ETNK1: variants seen among roughly 807,000 people sequenced by gnomAD.
ETNK1 encodes the protein putative protein product of Nbla10396.
In ETNK1, 8 loss-of-function variants were observed where a neutral mutation model predicts 45.1. The ratio of observed to expected loss-of-function variants is 0.18; its 90% CI spans 0.10 to 0.32. The LOEUF (loss-of-function observed/expected upper bound fraction) is 0.32, where lower values mean the gene tolerates loss of function less well. Among genes scored for constraint, ETNK1 ranks in the 10% least tolerant of loss-of-function variants. ETNK1 has a pLI of 1.00. For synonymous variants in ETNK1, 152 were observed against 151.9 expected, an observed-to-expected ratio of 1.00 and a Z score of -0.01; for missense variants, 302 against 430.6, an observed-to-expected ratio of 0.70 and a Z score of 2.64.
In ETNK1 at chr12:22,659,081, A is replaced by G. The variant is rs374315383; in HGVS notation, c.484A>G (p.Asn162Asp). 1 of 1,613,798 alleles carries G rather than the reference A, an allele frequency of 6.2e-7. No individual in the cohort carries two copies. Among genetic ancestry groups the G allele is most frequent in the Non-Finnish European group, 8.5e-7 (1 of 1,179,828 alleles). Residue 162 changes from asparagine to aspartate, a missense_variant, in exon 3 of 8, where the codon AAT becomes GAT. Physicochemically the swap from Asn to Asp is conservative, Grantham distance 23. Around this residue, in one of 3 missense-constraint regions of ETNK1, gnomAD observed 205 missense variants for 259.9 expected, o/e 0.79. Coordinates refer to ENST00000266517, the MANE Select transcript of ETNK1 (RefSeq NM_018638.5). Reference protein sequence around the residue: ...HAHNGWIPKSNLWLKMGKYFS... With the variant: ...HAHNGWIPKSDLWLKMGKYFS... ...ACACAATGGCTGGATCCCCAAATCT[A>G]ATCTTTGGCTAAAGATGGGAAAGTA...
intron 1 of ETNK1, among the ~76,000 whole-genome samples, chr12:22,626,393 AATAG>A (rs1392652592): frequency 6.6e-6 from 1 of 151,844 alleles, no homozygotes; most frequent in Non-Finnish European, 1.5e-5. Context: ...TAGATACAAA[AATAG>A]ATCTCTTTTT....
At position 22,641,453 on chromosome 12, in the gene ETNK1, G is replaced by A. The variant is rs12321044; in HGVS notation, c.157-2310G>A. On this transcript the variant is annotated intron_variant, in intron 1 of 7. Coordinates refer to ENST00000266517, the MANE Select transcript of ETNK1 (RefSeq NM_018638.5). The stretch of plus-strand genomic sequence containing the variant: ...TTTTCTACCTTCAGACATGATTACA[G>A]AGTGGTTTTGTTGTTTTCTTGACCC... Among the ~76,000 whole-genome samples the A allele has an allele frequency of 9.0e-3, 1,370 of 152,248 alleles. 19 individuals are homozygous for A. Among genetic ancestry groups the A allele is most frequent in the African/African-American group, 0.031 (1,307 of 41,534 alleles).
intron 1 of ETNK1, among the ~76,000 whole-genome samples, chr12:22,637,862 CGAGA>C (rs142902265): frequency 2.0e-5 from 3 of 150,808 alleles, no homozygotes; most frequent in Admixed American, 1.3e-4. Flanking sequence ...AGTGACAGAG[CGAGA>C]GAGAGAGAGT....
At chr12:22,650,469 G>T (rs778475684) in intron 2 of ETNK1, among the ~76,000 whole-genome samples, 1 of 151,732 alleles carries the variant, frequency 6.6e-6, no homozygotes, top group Non-Finnish European at 1.5e-5. Flanking sequence ...TTCCTAGTTT[G>T]CTGAGTTTTT....
chr12:22,684,734 G>A lies in ETNK1; in HGVS notation c.1020-148G>A. On this transcript the variant is annotated intron_variant, in intron 7 of 7. Coordinates refer to ENST00000266517, the MANE Select transcript of ETNK1 (RefSeq NM_018638.5). ...TAAGTGCTCGCAGGATTAGAAAAGT[G>A]TCCAGTAGGTGGTGCAATAAACTAA... 4.1e-6 allele frequency: 3 copies of A among 731,188 alleles called. No homozygotes were observed. In the South Asian group the frequency reaches 5.8e-5, roughly 14 times the overall value. 45.3% of individuals were successfully genotyped at this position (731,188 alleles called of 1,614,324 possible). A position where few individuals can be genotyped will look rare whatever the true frequency, so the allele number is the denominator to read the frequency against.
At chr12:22,665,365 C>T (rs1339588775) in intron 4 of ETNK1, among the ~76,000 whole-genome samples, 2 of 152,018 alleles carry the variant, frequency 1.3e-5, no homozygotes, top group African/African-American at 4.8e-5. Flanking sequence ...AGTTTTTGTA[C>T]TATTGATAGT....
rs1565442926 is a variant in ETNK1, at chr12:22,655,334, T to TGG, written c.417-3680_417-3679insGG. Among the ~76,000 whole-genome samples the TGG allele has an allele frequency of 2.5e-3, 368 of 145,304 alleles. 11 individuals carry two copies. The East Asian group carries it at 0.065, about 26-fold the overall frequency. ...GGATATTTGGGGTTTGTTTGTTTTT[T>TGG]TTTTTTTTTTTTTTTTTTCGAGACG... On this transcript the variant is annotated intron_variant, in intron 2 of 7. Transcript: ENST00000266517.
Position 22,641,879 on chromosome 12 carries a change from CTG to C in ETNK1, c.157-1880_157-1879del, listed in dbSNP as rs770866006. On this transcript the variant is annotated intron_variant, in intron 1 of 7. Coordinates refer to ENST00000266517, the MANE Select transcript of ETNK1 (RefSeq NM_018638.5). Reference sequence around the variant, plus strand: ...GGCTAGTGTCATTGGAGTTGTGACACTGTGTCTTCTTCATAAATGTTTAATTA... The same window carrying C: ...GGCTAGTGTCATTGGAGTTGTGACACTGTCTTCTTCATAAATGTTTAATTA... 2.6e-5 allele frequency among the ~76,000 whole-genome samples: 4 copies of C among 152,124 alleles called. No homozygotes were observed. In the East Asian group the frequency reaches 5.8e-4, roughly 22 times the overall value.
At position 22,659,289 on chromosome 12, in the gene ETNK1, T is replaced by A. The variant is rs1026694820; in HGVS notation, c.557+135T>A. ...GCATTGAAGTAAAGTAAGCATTGAT[T>A]CTTTGGCTGTCAGATAGCACTACAG... On this transcript the variant is annotated intron_variant, in intron 3 of 7. Coordinates refer to ENST00000266517, the MANE Select transcript of ETNK1 (RefSeq NM_018638.5). 165 of 902,398 alleles carry A rather than the reference T, an allele frequency of 1.8e-4. 1 individual carries two copies. The highest frequency in any genetic ancestry group is 3.7e-5 in the Non-Finnish European group (23 of 615,572). The allele number at this position is 902,398 out of a possible 1,614,324, so 55.9% of individuals were successfully genotyped here.
rs777539598 is a variant in ETNK1, at chr12:22,643,846, T to C, written c.240T>C (p.Tyr80=). ...AGGATGTAGTCCTGGTGAGAATTTA[T>C]GGCAATAAGACTGAGTTATTAGTCG... is the stretch of plus-strand genomic sequence containing the variant. ...TMEDVVLVRI[Y]GNKTELLVDR... Residue 80 remains tyrosine (Y), a synonymous_variant, in exon 2 of 8, where the codon TAT becomes TAC. Transcript: ENST00000266517. 1.9e-6 allele frequency: 3 copies of C among 1,613,412 alleles called. No homozygotes were observed. The highest frequency in any genetic ancestry group is 2.7e-5 in the African/African-American group (2 of 74,890).
chr12:22,632,829 A>G (rs1485254091), intron 1 of ETNK1, among the ~76,000 whole-genome samples: 1 of 152,016 alleles, frequency 6.6e-6, no homozygotes, highest in African/African-American at 2.4e-5. Context: ...TTTGAATTTT[A>G]TTTAATGGCA....
intron 1 of ETNK1, among the ~76,000 whole-genome samples, chr12:22,626,601 C>T (rs887552500): frequency 6.6e-6 from 1 of 152,110 alleles, no homozygotes; most frequent in Non-Finnish European, 1.5e-5. Flanking sequence ...TAGCCAGCCA[C>T]CCACACAAAG....
intron 2 of ETNK1, among the ~76,000 whole-genome samples, chr12:22,653,860 C>T (rs1953908557): frequency 6.6e-6 from 1 of 152,132 alleles, no homozygotes; most frequent in South Asian, 2.1e-4. Context: ...AATCTCTTCA[C>T]AGAGCCTAGT....
intron 2 of ETNK1, chr12:22,644,416 T>C: frequency 8.4e-7 from 1 of 1,189,850 alleles, no homozygotes; most frequent in Non-Finnish European, 1.1e-6. Context: ...TGGTTAACAA[T>C]TCTTTGTTCT....
At chr12:22,683,539 C>G (rs1018242510) in intron 6 of ETNK1, among the ~76,000 whole-genome samples, 1 of 151,898 alleles carries the variant, frequency 6.6e-6, no homozygotes, top group Admixed American at 6.6e-5. Flanking sequence ...ATTCCCATCT[C>G]GTAAATGATA....
chr12:22,674,709 A>G (rs1219613161), intron 6 of ETNK1, among the ~76,000 whole-genome samples: 2 of 152,344 alleles, frequency 1.3e-5, no homozygotes, highest in East Asian at 3.9e-4. Context: ...ATTTCCAGGT[A>G]AAGTACACAT....
chr12:22,652,359 C>T (rs546818767), intron 2 of ETNK1, among the ~76,000 whole-genome samples: 51 of 152,094 alleles, frequency 3.4e-4, no homozygotes, highest in Non-Finnish European at 6.5e-4. Flanking sequence ...TCAGTTCTTT[C>T]GGGTGAATGC....
intron 6 of ETNK1, among the ~76,000 whole-genome samples, chr12:22,675,100 C>T (rs949642721): frequency 2.0e-5 from 3 of 152,084 alleles, no homozygotes; most frequent in Admixed American, 6.5e-5. Flanking sequence ...ACAGTCTTTG[C>T]TTTGTCATCC....
intron 4 of ETNK1, among the ~76,000 whole-genome samples, chr12:22,661,947 C>G (rs539597293): frequency 2.0e-5 from 3 of 152,046 alleles, no homozygotes; most frequent in Non-Finnish European, 4.4e-5. Flanking sequence ...GATAGATGCC[C>G]TTCAATGCTA....
Sources: gnomAD v4.1 joint callset for allele counts (sites outside exome capture counted in the v4.1 genomes callset) on GRCh38, gnomAD v4.1.1 for gene constraint, gnomAD v4.1.1 regional missense constraint, MANE v1.5 for transcripts, NCBI Gene and HGNC (gene_info 2026-07-23, HGNC 2026-07-21) for gene names.